MIER2: variants seen among roughly 807,000 people sequenced by gnomAD.
The protein encoded by MIER2 is MIER family member 2.
In MIER2, 30 loss-of-function variants were observed where a neutral mutation model predicts 67.6. That is an observed-to-expected ratio of 0.44 (90% CI 0.33 to 0.60). The LOEUF is 0.60. Ranked by LOEUF, MIER2 falls within the 20% of genes least tolerant of loss-of-function variation. The pLI is 0.02. For missense variants in MIER2, 702 were observed against 745.1 expected (o/e 0.94, Z 0.67); for synonymous variants, 372 against 312.6 (o/e 1.19, Z -2.00).
intron 13 of MIER2, among the ~76,000 whole-genome samples, 178 bp from the exon 14 acceptor site, chr19:306,889 T>G (rs1054902258): frequency 6.6e-6 from 1 of 152,196 alleles, no homozygotes; most frequent in African/African-American, 2.4e-5. Context: ...TGGGACAGCC[T>G]GGCACCTGCT....
chr19:336,326 T>C (rs1029576247), intron 1 of MIER2, 153 bp from the exon 2 acceptor site: 21 of 638,602 alleles, frequency 3.3e-5, no homozygotes, highest in Non-Finnish European at 4.6e-5. Context: ...TGGGGGGCAC[T>C]AGGAGCAGCA....
chr19:307,811 G>A (rs1970726591), intron 12 of MIER2, among the ~76,000 whole-genome samples: 3 of 152,114 alleles, frequency 2.0e-5, no homozygotes. Flanking sequence ...TGTAAACAAT[G>A]CCGGGGGCAC....
intron 1 of MIER2, chr19:344,294 G>T: frequency 1.0e-6 from 1 of 984,988 alleles, no homozygotes; most frequent in Non-Finnish European, 1.2e-6. Flanking sequence ...GGCGGCGGAG[G>T]CGCGGTGGGT....
At chr19:328,489 T>C (rs1160132005) in intron 3 of MIER2, among the ~76,000 whole-genome samples, 2 of 151,054 alleles carry the variant, frequency 1.3e-5, no homozygotes, top group Non-Finnish European at 2.9e-5. Flanking sequence ...AGTTCACACC[T>C]GTAATCCCAG....
chr19:343,174 G>A (rs1481437910), intron 1 of MIER2, among the ~76,000 whole-genome samples: 1 of 152,240 alleles, frequency 6.6e-6, no homozygotes, highest in African/African-American at 2.4e-5. Context: ...ACCACAAGCT[G>A]CTGTGCACAT....
At position 306,409 on chromosome 19, in the gene MIER2, C is replaced by T. The variant is rs1029265057; in HGVS notation, c.*281G>A. 1.8e-4 allele frequency: 102 copies of T among 580,572 alleles called. 1 individual carries two copies. In the East Asian group the frequency reaches 2.8e-3, roughly 16 times the overall value. 36.0% of individuals were successfully genotyped at this position (580,572 alleles called of 1,614,324 possible). A position where few individuals can be genotyped will look rare whatever the true frequency, so the allele number is the denominator to read the frequency against. ...TCCCAACGGCGGGGTCTCTTCTGTCCCCGGCTGCCCGACGGATCCCACGTG... is the reference window on the plus strand; with the variant it reads ...TCCCAACGGCGGGGTCTCTTCTGTCTCCGGCTGCCCGACGGATCCCACGTG... On this transcript the variant is annotated 3_prime_UTR_variant, in exon 14 of 14. Coordinates refer to ENST00000264819, the MANE Select transcript of MIER2 (RefSeq NM_017550.3).
Position 308,542 on chromosome 19 carries a change from C to T in MIER2, c.1198+35G>A, listed in dbSNP as rs774257986. 23 of 1,550,428 alleles carry T rather than the reference C, an allele frequency of 1.5e-5. No homozygotes were observed. The highest frequency in any genetic ancestry group is 2.4e-5 in the East Asian group (1 of 42,296). ...TCACTCACGGCTCCAGACCCGTGGC[C>T]GCCCCCAGGGCAGGAGATACTCCCC... On this transcript the variant is annotated intron_variant, in intron 12 of 13. Coordinates refer to ENST00000264819, the MANE Select transcript of MIER2 (RefSeq NM_017550.3). This position sits in a 1 kb window ranked among gnomAD's most constrained non-coding sequence, Gnocchi z 9.1.
At chr19:325,545 C>T in intron 7 of MIER2, 90 bp downstream of exon 7, 1 of 1,475,718 alleles carries the variant, frequency 6.8e-7, no homozygotes, top group Non-Finnish European at 9.5e-7. Context: ...GGGGCGGGGA[C>T]CTGACCAGAC....
intron 1 of MIER2, among the ~76,000 whole-genome samples, chr19:342,080 G>A (rs1972531385): frequency 6.6e-6 from 1 of 152,142 alleles, no homozygotes; most frequent in Non-Finnish European, 1.5e-5. Flanking sequence ...CAGTGTGACT[G>A]AAACAACCTC....
intron 10 of MIER2, 136 bp from the exon 11 acceptor site, chr19:309,061 A>C: frequency 3.2e-6 from 4 of 1,250,950 alleles, no homozygotes; most frequent in East Asian, 2.5e-5. Context: ...ATAACGCAAG[A>C]CCCCCCGACC....
rs1336176663 is a variant in MIER2 at position 313,582 on chromosome 19, C to T, written c.717G>A (p.Glu239=). 1 of 1,613,436 alleles carries T rather than the reference C, an allele frequency of 6.2e-7. No individual in the cohort carries two copies. The highest frequency in any genetic ancestry group is 1.7e-5 in the Admixed American group (1 of 60,018). ...DPSVLPEREV[E]EFLYRAVKRR... is the part of the protein sequence containing the mutation. Reference sequence around the variant, plus strand: ...GCTTCACCGCCCTGTACAGGAACTCCTCCACCTCCCTCTCAGGGAGGACGC... The same window carrying T: ...GCTTCACCGCCCTGTACAGGAACTCTTCCACCTCCCTCTCAGGGAGGACGC... The change falls in exon 8 of 14, where the codon GAG becomes GAA. Residue 239 remains glutamate (E), a synonymous_variant. Coordinates refer to ENST00000264819, the MANE Select transcript of MIER2 (RefSeq NM_017550.3).
intron 7 of MIER2, among the ~76,000 whole-genome samples, chr19:314,518 C>A (rs368642807): frequency 6.6e-6 from 1 of 152,144 alleles, no homozygotes; most frequent in Admixed American, 6.5e-5. Flanking sequence ...ATGTGAAAAA[C>A]GCACTGGGGA....
At chr19:316,040 T>C (rs7256434) in intron 7 of MIER2, among the ~76,000 whole-genome samples, 20,661 of 152,142 alleles carry the variant, frequency 0.14, 1,904 homozygotes, top group African/African-American at 0.25. Flanking sequence ...TGGAGTGAAA[T>C]TTTTCAAGTG....
At chr19:344,312 G>C in intron 1 of MIER2, 1 of 984,952 alleles carries the variant, frequency 1.0e-6, no homozygotes, top group Non-Finnish European at 1.2e-6. Flanking sequence ...GGTCCACCGG[G>C]ATCCCGATGG....
rs770805372 is a variant in MIER2, at chr19:327,107, T to C, written c.493+26A>G. 2.7e-5 allele frequency: 42 copies of C among 1,562,854 alleles called. No individual in the cohort carries two copies. The South Asian group carries it at 4.5e-4, about 17-fold the overall frequency. Reference sequence around the variant, plus strand: ...TGCCTGGCAGGGGGCCTGGCTGCGGTGGAGTATGGGGACAGAGTCACCTAC... The same window carrying C: ...TGCCTGGCAGGGGGCCTGGCTGCGGCGGAGTATGGGGACAGAGTCACCTAC... On this transcript the variant is annotated intron_variant, in intron 5 of 13. Transcript: ENST00000264819.
At chr19:334,679 C>A in intron 2 of MIER2, 137 bp from the exon 3 acceptor site, 1 of 1,142,620 alleles carries the variant, frequency 8.8e-7, no homozygotes, top group Non-Finnish European at 1.2e-6. Flanking sequence ...TGAGGGAACC[C>A]AACAGGACAC....
intron 7 of MIER2, among the ~76,000 whole-genome samples, chr19:322,267 A>C (rs1033670427): frequency 1.3e-5 from 2 of 152,206 alleles, no homozygotes; most frequent in African/African-American, 4.8e-5. Flanking sequence ...AAAAACAATA[A>C]ATCTTCTAGA....
chr19:315,905 G>A (rs1023485841), intron 7 of MIER2, among the ~76,000 whole-genome samples: 3 of 152,190 alleles, frequency 2.0e-5, no homozygotes, highest in African/African-American at 7.2e-5. Flanking sequence ...AGCCAAACTG[G>A]TGAAAAACAA....
intron 7 of MIER2, among the ~76,000 whole-genome samples, chr19:317,224 C>G (rs1421890450): frequency 6.6e-6 from 1 of 151,764 alleles, no homozygotes; most frequent in Non-Finnish European, 1.5e-5. Context: ...GACAACCCAT[C>G]TCTACTAAAA....
Sources: allele counts gnomAD v4.1 joint callset (sites outside exome capture counted in the v4.1 genomes callset), GRCh38; gene constraint gnomAD v4.1.1; non-coding constraint Gnocchi (gnomAD v3.1); transcripts MANE v1.5; gene names NCBI Gene and HGNC (gene_info 2026-07-23, HGNC 2026-07-21).